Variants in PBRM1 observed in about 807,000 individuals in gnomAD.
PBRM1 encodes polybromo 1.
PBRM1 carries 27 observed loss-of-function variants against 194.5 expected under a neutral mutation model. That is an observed-to-expected ratio of 0.14 (90% CI 0.10 to 0.19). PBRM1 has a LOEUF of 0.19. Among genes scored for constraint, PBRM1 ranks in the 10% least tolerant of loss-of-function variants. The pLI is 1.00. For missense variants in PBRM1, 1,466 were observed against 2,077.2 expected (o/e 0.71, Z 5.72); for synonymous variants, 655 against 693.2 (o/e 0.94, Z 0.87).
chr3:52,585,287 A>G (rs1392679164), intron 20 of PBRM1, among the ~76,000 whole-genome samples: 1 of 152,178 alleles, frequency 6.6e-6, no homozygotes, highest in Non-Finnish European at 1.5e-5. Flanking sequence ...CAGCTTCAAC[A>G]GTATAATAAT....
rs75967512 is a variant in PBRM1, at chr3:52,553,595, T to A, written c.4609+1129A>T. The stretch of plus-strand genomic sequence containing the variant: ...CCTCAGTCTCCCCAGGCTCAGGTAA[T>A]TCTCCCACCTCAGCCTCCTGAGTAG... On this transcript the variant is annotated intron_variant, in intron 27 of 29. Transcript: ENST00000296302. Among the ~76,000 whole-genome samples, 68 of 150,982 alleles carry A rather than the reference T, an allele frequency of 4.5e-4. 1 individual carries two copies. The highest frequency in any genetic ancestry group is 1.4e-3 in the African/African-American group (56 of 41,156).
At position 52,632,751 on chromosome 3, in the gene PBRM1, C is replaced by A. The variant is rs983030122; in HGVS notation, c.1301+1851G>T. ...TCACCCAGGCTGGAGTGCAGTGGTG[C>A]GACCTAGACTCACTGCAATGCAACC... On this transcript the variant is annotated intron_variant, in intron 11 of 29. Coordinates refer to ENST00000296302, the Ensembl canonical transcript of PBRM1. Among the ~76,000 whole-genome samples, 5 of 148,278 alleles carry A rather than the reference C, an allele frequency of 3.4e-5. No homozygotes were observed. The Admixed American group carries it at 3.4e-4, about 10-fold the overall frequency.
At chr3:52,570,469 T>A (rs760079417) in intron 22 of PBRM1, among the ~76,000 whole-genome samples, 8 of 152,206 alleles carry the variant, frequency 5.3e-5, no homozygotes, top group South Asian at 4.1e-4. Flanking sequence ...AAGGGATAAT[T>A]ACAATTTTCC....
chr3:52,676,132 A>T lies in PBRM1; in HGVS notation c.236+2368T>A, dbSNP rs1210305403. Reference sequence around the variant, plus strand: ...TCCGTCTCAAAAAAAAAAAAAAAAAAAAAAAAAAAAAAAAAAAAAATAATG... The same window carrying T: ...TCCGTCTCAAAAAAAAAAAAAAAAATAAAAAAAAAAAAAAAAAAAATAATG... On this transcript the variant is annotated intron_variant, in intron 2 of 29. Coordinates refer to ENST00000296302, the Ensembl canonical transcript of PBRM1. Among the ~76,000 whole-genome samples, 64 of 32,554 alleles carry T rather than the reference A, an allele frequency of 2.0e-3. 13 individuals carry two copies. The highest frequency in any genetic ancestry group is 3.2e-3 in the Non-Finnish European group (52 of 16,274). The allele number at this position is 32,554 out of a possible 152,430, so 21.4% of individuals were successfully genotyped here. A position where few individuals can be genotyped will look rare whatever the true frequency, so the allele number is the denominator to read the frequency against.
At chr3:52,680,836 T>C (rs2097192113), upstream of PBRM1, among the ~76,000 whole-genome samples, 1 of 151,956 alleles carries the variant, frequency 6.6e-6, no homozygotes, top group African/African-American at 2.4e-5. Flanking sequence ...AATTTTTGTA[T>C]TTTTAGTAGA....
chr3:52,621,445 G>C (rs1052464040), intron 13 of PBRM1, among the ~76,000 whole-genome samples: 5 of 152,214 alleles, frequency 3.3e-5, no homozygotes, highest in Non-Finnish European at 5.9e-5. Context: ...TTACAGGCGT[G>C]AGCCACTGCG....
chr3:52,644,205 T>TA (rs1186466295), intron 8 of PBRM1, among the ~76,000 whole-genome samples: 2 of 152,030 alleles, frequency 1.3e-5, no homozygotes, highest in African/African-American at 4.8e-5. Context: ...TGTAAAGTTT[T>TA]AAAAAATGTT....
upstream of PBRM1, among the ~76,000 whole-genome samples, chr3:52,683,710 C>T (rs1214703213): frequency 7.6e-6 from 1 of 130,824 alleles, no homozygotes; most frequent in Non-Finnish European, 1.6e-5. Context: ...CCCAGGCACT[C>T]GAGAGGGTGA....
chr3:52,565,763 A>G (rs769683466), intron 22 of PBRM1, among the ~76,000 whole-genome samples: 2 of 152,002 alleles, frequency 1.3e-5, no homozygotes, highest in African/African-American at 2.4e-5. Context: ...ACATGAAACA[A>G]TGCTTAGCCA....
At chr3:52,681,992 C>CA (rs1407174535), upstream of PBRM1, 1 of 157,450 alleles carries the variant, frequency 6.4e-6, no homozygotes, top group African/African-American at 2.4e-5. Context: ...CAAACTGCTG[C>CA]AAAGGCTCAG....
chr3:52,620,541 C>T (rs933551975), intron 13 of PBRM1, among the ~76,000 whole-genome samples: 9 of 152,300 alleles, frequency 5.9e-5, no homozygotes, highest in African/African-American at 2.2e-4. Context: ...GCTGCAAATA[C>T]TCTCAGATGG....
intron 17 of PBRM1, among the ~76,000 whole-genome samples, chr3:52,593,598 A>T (rs1253134399): frequency 6.6e-6 from 1 of 152,100 alleles, no homozygotes; most frequent in Non-Finnish European, 1.5e-5. Context: ...ACACTGCCTT[A>T]GCTGTGTCCC....
intron 23 of PBRM1, 24 bp from the exon 26 acceptor site, chr3:52,563,517 C>T (rs998557684): frequency 1.3e-6 from 2 of 1,514,742 alleles, no homozygotes; most frequent in Non-Finnish European, 1.8e-6. Flanking sequence ...CATAAAAAAC[C>T]TAAAATCACC....
chr3:52,679,515 G>A (rs950579213), intron 1 of PBRM1, 59 bp downstream of exon 2: 3 of 1,478,240 alleles, frequency 2.0e-6, no homozygotes, highest in Middle Eastern at 3.5e-4. Context: ...TACCATTAAA[G>A]GGAAGATAGG....
chr3:52,552,648 G>A (rs1333380790), intron 27 of PBRM1, among the ~76,000 whole-genome samples: 1 of 152,152 alleles, frequency 6.6e-6, no homozygotes, highest in African/African-American at 2.4e-5. Flanking sequence ...CAGGAAGGTG[G>A]AAAGGAAGAC....
At chr3:52,595,453 T>C (rs1011373780) in intron 17 of PBRM1, among the ~76,000 whole-genome samples, 2 of 152,254 alleles carry the variant, frequency 1.3e-5, no homozygotes, top group Admixed American at 1.3e-4. Flanking sequence ...CCTTTTCATA[T>C]ACCTGTCTGC....
chr3:52,592,641 G>A (rs2153830093), intron 17 of PBRM1, among the ~76,000 whole-genome samples: 1 of 152,268 alleles, frequency 6.6e-6, no homozygotes, highest in Admixed American at 6.5e-5. Flanking sequence ...TCTCTGCCAG[G>A]TTTTGGTATC....
chr3:52,679,646 C>T (rs1481976548), exon 1 of PBRM1: 1 of 1,613,926 alleles, frequency 6.2e-7, no homozygotes, highest in Non-Finnish European at 8.5e-7. Flanking sequence ...CAGAATGGTG[C>T]CCATCATCAA....
chr3:52,642,093 T>C (rs375583085), intron 9 of PBRM1, 48 bp from the exon 11 acceptor site: 16 of 970,298 alleles, frequency 1.6e-5, no homozygotes. Flanking sequence ...GTTATAATAA[T>C]TAGGTTACTT....
Sources: gnomAD v4.1 joint callset for allele counts (sites outside exome capture counted in the v4.1 genomes callset) on GRCh38, gnomAD v4.1.1 for gene constraint, MANE v1.5 for transcripts, NCBI Gene and HGNC (gene_info 2026-07-23, HGNC 2026-07-21) for gene names.